Variants in MOB3A observed in about 807,000 individuals in gnomAD.
MOB3A encodes MOB LAK.
MOB3A carries 17 observed loss-of-function variants against 17.8 expected under a neutral mutation model. The observed-to-expected ratio is 0.95, with a 90% CI of 0.65 to 1.43. MOB3A has a LOEUF of 1.43. MOB3A is among the 40% of genes most tolerant of loss of function. The pLI is 0.00. For synonymous variants in MOB3A, 124 were observed against 133.2 expected (o/e 0.93, Z 0.48); for missense variants, 333 against 310.8 (o/e 1.07, Z -0.54).
chr19:2,094,117 G>C lies in MOB3A; in HGVS notation c.-274+2109C>G, dbSNP rs1354947128. On this transcript the variant is annotated intron_variant, in intron 1 of 4. Coordinates refer to ENST00000357066, the MANE Select transcript of MOB3A (RefSeq NM_130807.3). Reference sequence around the variant, plus strand: ...GCTGGAGTGCAGTGGTGCGATCTCGGCTCACTGCAGGCTTCGCCTCCAGGG... The same window carrying C: ...GCTGGAGTGCAGTGGTGCGATCTCGCCTCACTGCAGGCTTCGCCTCCAGGG... Among the ~76,000 whole-genome samples, 3 of 150,322 alleles carry C rather than the reference G, an allele frequency of 2.0e-5. No individual in the cohort carries two copies. In the Admixed American group the frequency reaches 2.0e-4, roughly 10 times the overall value.
At position 2,092,790 on chromosome 19, in the gene MOB3A, G is replaced by C. The variant is rs548670039; in HGVS notation, c.-274+3436C>G. ...AAAAAAAAAAAAGGAAAAGGGAAGA[G>C]GCCAGGCATGGTCCCCAGAAGGTAT... On this transcript the variant is annotated intron_variant, in intron 1 of 4. Coordinates refer to ENST00000357066, the MANE Select transcript of MOB3A (RefSeq NM_130807.3). Among the ~76,000 whole-genome samples the C allele has an allele frequency of 8.0e-5, 12 of 150,320 alleles. No homozygotes were observed. The South Asian group carries it at 2.3e-3, about 29-fold the overall frequency.
intron 4 of MOB3A, among the ~76,000 whole-genome samples, chr19:2,074,121 G>A (rs568606908): frequency 4.1e-4 from 62 of 151,194 alleles, no homozygotes; most frequent in Non-Finnish European, 6.6e-4. Flanking sequence ...GTGAAACCCC[G>A]TCTCTACTAA....
intron 1 of MOB3A, among the ~76,000 whole-genome samples, chr19:2,091,727 G>A (rs968483010): frequency 2.6e-5 from 4 of 151,554 alleles, no homozygotes; most frequent in African/African-American, 4.8e-5. Flanking sequence ...GCCGGGGTGC[G>A]GTGGCTCATG....
Position 2,076,123 on chromosome 19 carries a change from C to CAAAAAAAAAA in MOB3A, c.624+678_624+687dup. Reference sequence around the variant, plus strand: ...GGGTGAGGGAGGCAGACTCCATCTCCAAAAAAAAAAAAAAAAAAAAAAAGG... The same window carrying CAAAAAAAAAA: ...GGGTGAGGGAGGCAGACTCCATCTCCAAAAAAAAAAAAAAAAAAAAAAAAAAAAAAAAAGG... On this transcript the variant is annotated intron_variant, in intron 4 of 4. Transcript: ENST00000357066. 5.8e-5 allele frequency among the ~76,000 whole-genome samples: 2 copies of CAAAAAAAAAA among 34,372 alleles called. 1 individual carries two copies. The highest frequency in any genetic ancestry group is 1.0e-4 in the Non-Finnish European group (2 of 19,430). The allele number at this position is 34,372 out of a possible 152,430, so 22.5% of individuals were successfully genotyped here.
At chr19:2,095,063 C>T (rs1372771812) in intron 1 of MOB3A, among the ~76,000 whole-genome samples, 1 of 152,172 alleles carries the variant, frequency 6.6e-6, no homozygotes, top group Admixed American at 6.5e-5. Context: ...CCCAGCTACT[C>T]AGGAGGCTGA....
intron 2 of MOB3A, among the ~76,000 whole-genome samples, chr19:2,083,014 T>C (rs1166616615): frequency 6.6e-6 from 1 of 152,150 alleles, no homozygotes; most frequent in Non-Finnish European, 1.5e-5. Context: ...TTTGTTGTTG[T>C]TGTTGTATTT....
chr19:2,075,549 G>A (rs575446137), intron 4 of MOB3A, among the ~76,000 whole-genome samples: 1 of 152,258 alleles, frequency 6.6e-6, no homozygotes, highest in East Asian at 1.9e-4. Context: ...TCTCACATCA[G>A]GATCCCCACA....
In MOB3A at chr19:2,072,515, C is replaced by T. The variant is rs1377673665; in HGVS notation, c.*880G>A. On this transcript the variant is annotated 3_prime_UTR_variant, in exon 5 of 5. Transcript: ENST00000357066. ...ACCCTTTATGATACACAAAGGGGCCCTTAGGAAATGAGTCAGAAGCCGGGG... is the reference window on the plus strand; with the variant it reads ...ACCCTTTATGATACACAAAGGGGCCTTTAGGAAATGAGTCAGAAGCCGGGG... 6.6e-6 allele frequency: 1 copy of T among 152,268 alleles called. No individual in the cohort carries two copies. The allele number at this position is 152,268 out of a possible 1,614,324, so 9.4% of individuals were successfully genotyped here.
At chr19:2,089,137 T>C (rs568008817) in intron 1 of MOB3A, among the ~76,000 whole-genome samples, 1 of 152,296 alleles carries the variant, frequency 6.6e-6, no homozygotes, top group African/African-American at 2.4e-5. Flanking sequence ...TGCTAAGTGA[T>C]GGTGGACCTT....
intron 4 of MOB3A, among the ~76,000 whole-genome samples, chr19:2,075,855 G>C (rs966736177): frequency 2.6e-5 from 4 of 152,178 alleles, no homozygotes; most frequent in African/African-American, 9.7e-5. Flanking sequence ...AGGTGCGGTG[G>C]CTCCTGTCTG....
At chr19:2,074,430 C>CCCACTA (rs2145716903) in intron 4 of MOB3A, among the ~76,000 whole-genome samples, 1 of 152,020 alleles carries the variant, frequency 6.6e-6, no homozygotes, top group East Asian at 1.9e-4. Context: ...AGAGGAAGAC[C>CCCACTA]CCACTACCAT....
At position 2,078,474 on chromosome 19, in the gene MOB3A, G is replaced by C. The variant is rs10419889; in HGVS notation, c.87C>G (p.Phe29Leu). The C allele has an allele frequency of 6.2e-7, 1 of 1,611,208 alleles. No individual in the cohort carries two copies. The highest frequency in any genetic ancestry group is 1.7e-5 in the Admixed American group (1 of 59,912). Residue 29 changes from phenylalanine to leucine, a missense_variant, in exon 3 of 5, where the codon TTC becomes TTG. Phe to Leu is a conservative substitution (Grantham distance 22). Transcript: ENST00000357066. ...ACGCCTGCGCCTTCTTGTGCAGCTC[G>C]AAGCGCTGGGTGCCTGGCTCAAACT... ...KRKFEPGTQRFELHKKAQASL... is the reference protein window; with the variant it reads ...KRKFEPGTQRLELHKKAQASL...
chr19:2,084,009 T>C (rs1340855330), intron 2 of MOB3A: 3 of 356,218 alleles, frequency 8.4e-6, no homozygotes, highest in Non-Finnish European at 1.7e-5. Context: ...TGGTCTCAAG[T>C]GATCCTCCTA....
rs1383443818 is a variant in MOB3A, at chr19:2,090,442, T to TC, written c.-273-5115dup. Among the ~76,000 whole-genome samples the TC allele has an allele frequency of 4.6e-5, 7 of 152,058 alleles. 1 individual carries two copies. The highest frequency in any genetic ancestry group is 1.7e-4 in the African/African-American group (7 of 41,390). Reference sequence around the variant, plus strand: ...CAACACCGGACGATGTCTGGGGACATCTGTGGTTGTCAGGTTTTGGGGGAA... The same window carrying TC: ...CAACACCGGACGATGTCTGGGGACATCCTGTGGTTGTCAGGTTTTGGGGGAA... On this transcript the variant is annotated intron_variant, in intron 1 of 4. Transcript: ENST00000357066.
chr19:2,087,412 G>C (rs778261914), intron 1 of MOB3A, among the ~76,000 whole-genome samples: 1 of 152,180 alleles, frequency 6.6e-6, no homozygotes, highest in Non-Finnish European at 1.5e-5. Flanking sequence ...TGGCACTTTG[G>C]GAGGCCAAGG....
In MOB3A at chr19:2,093,485, C is replaced by G. The variant is rs571241244; in HGVS notation, c.-274+2741G>C. On this transcript the variant is annotated intron_variant, in intron 1 of 4. Coordinates refer to ENST00000357066, the MANE Select transcript of MOB3A (RefSeq NM_130807.3). The surrounding 1 kb of genome is among the most constrained non-coding windows in gnomAD (Gnocchi z 4.6). Reference sequence around the variant, plus strand: ...ATCCCAGAGAAGTCTCTGGAACACACAGTGGGTGGCTGTGGTCCAGCGTGT... The same window carrying G: ...ATCCCAGAGAAGTCTCTGGAACACAGAGTGGGTGGCTGTGGTCCAGCGTGT... 6.6e-6 allele frequency among the ~76,000 whole-genome samples: 1 copy of G among 152,180 alleles called. No homozygotes were observed. Among genetic ancestry groups the G allele is most frequent in the Non-Finnish European group, 1.5e-5 (1 of 68,032 alleles).
intron 4 of MOB3A, 100 bp from the exon 5 acceptor site, chr19:2,073,524 C>CT: frequency 1.3e-6 from 2 of 1,518,972 alleles, no homozygotes; most frequent in Non-Finnish European, 1.8e-6. Context: ...GAAACGGCAG[C>CT]TGGGGGCTTC....
chr19:2,086,294 C>A (rs998158439), intron 1 of MOB3A, among the ~76,000 whole-genome samples: 22 of 151,926 alleles, frequency 1.4e-4, no homozygotes, highest in African/African-American at 5.3e-4. Context: ...CCCACCTCGG[C>A]CTCCCAAAGT....
intron 1 of MOB3A, among the ~76,000 whole-genome samples, chr19:2,091,341 G>A (rs926227541): frequency 6.6e-6 from 1 of 152,132 alleles, no homozygotes; most frequent in Non-Finnish European, 1.5e-5. Flanking sequence ...CCCAATATCC[G>A]ATAAGTGCAA....
Sources: gnomAD v4.1 joint callset for allele counts (sites outside exome capture counted in the v4.1 genomes callset) on GRCh38, gnomAD v4.1.1 for gene constraint, Gnocchi (gnomAD v3.1) non-coding constraint, MANE v1.5 for transcripts, NCBI Gene and HGNC (gene_info 2026-07-23, HGNC 2026-07-21) for gene names.